The following NBPF26 variants were observed in gnomAD, a reference collection of about 807,000 sequenced individuals.
NBPF26 encodes NBPF family member NBPF26.
NBPF26 carries 79 observed loss-of-function variants against 119.6 expected under a neutral mutation model. That is an observed-to-expected ratio of 0.66 (90% CI 0.55 to 0.80). NBPF26 has a LOEUF of 0.80. Among genes scored for constraint, NBPF26 ranks in the 30% least tolerant of loss-of-function variants. NBPF26 has a pLI of 0.00. For missense variants in NBPF26, 800 were observed against 1,198.2 expected, an observed-to-expected ratio of 0.67 and a Z score of 4.91; for synonymous variants, 299 against 457.7, an observed-to-expected ratio of 0.65 and a Z score of 4.43.
In NBPF26 at chr1:120,823,752, C is replaced by CTGTGTGTGCGTG. The variant is rs1553272348; in HGVS notation, c.2640-214_2640-213insCGTGTGTGTGTG. Reference sequence around the variant, plus strand: ...ACCTGACCAATTCACTGAGCTCGCTCTGTGTGTGTGTGTGTGTGTGTGTGT... The same window carrying CTGTGTGTGCGTG: ...ACCTGACCAATTCACTGAGCTCGCTCTGTGTGTGCGTGTGTGTGTGTGTGTGTGTGTGTGTGT... On this transcript the variant is annotated intron_variant, in intron 17 of 29. Transcript: ENST00000620612. 2.2e-4 allele frequency among the ~76,000 whole-genome samples: 16 copies of CTGTGTGTGCGTG among 73,336 alleles called. 4 individuals carry two copies. The highest frequency in any genetic ancestry group is 1.8e-3 in the African/African-American group (16 of 8,818). 48.1% of individuals were successfully genotyped at this position (73,336 alleles called of 152,430 possible).
At chr1:120,767,682 G>A (rs1651209077) in intron 2 of NBPF26, among the ~76,000 whole-genome samples, 1 of 108,392 alleles carries the variant, frequency 9.2e-6, no homozygotes, top group Non-Finnish European at 1.7e-5. Context: ...TTGTCCTACT[G>A]GGAGGTGTAA....
rs1652060983 is a variant in NBPF26 at position 120,818,575 on chromosome 1, AG to A, written c.2423+404del. ...CTCTCGTTATTTTAATTGTGATGTT[AG>A]GGTGTCAATTTTAGGTCTTTTCTGC... is the stretch of plus-strand genomic sequence containing the variant. On this transcript the variant is annotated intron_variant, in intron 15 of 29. Coordinates refer to ENST00000620612, the Ensembl canonical transcript of NBPF26. Among the ~76,000 whole-genome samples the A allele has an allele frequency of 2.4e-5, 3 of 126,248 alleles. 1 individual carries two copies. The highest frequency in any genetic ancestry group is 3.7e-5 in the African/African-American group (1 of 26,908). 82.8% of individuals were successfully genotyped at this position (126,248 alleles called of 152,430 possible).
intron 29 of NBPF26, 144 bp from the exon 36 acceptor site, chr1:120,840,206 G>A (rs1301266994): frequency 3.4e-6 from 4 of 1,183,290 alleles, no homozygotes; most frequent in Non-Finnish European, 4.5e-6. Flanking sequence ...CCAACATAAA[G>A]GCAATAAATT....
chr1:120,814,755 A>T lies in NBPF26; in HGVS notation c.1878-74A>T, dbSNP rs1651968736. On this transcript the variant is annotated intron_variant, in intron 11 of 29. Coordinates refer to ENST00000620612, the Ensembl canonical transcript of NBPF26. ...GTCTCCTTGAGGACATTGTCTCAGAAATCTCTGTTGCAATATTTGAGCGGA... is the reference window on the plus strand; with the variant it reads ...GTCTCCTTGAGGACATTGTCTCAGATATCTCTGTTGCAATATTTGAGCGGA... 4.1e-6 allele frequency: 4 copies of T among 973,742 alleles called. 1 individual carries two copies. Among genetic ancestry groups the T allele is most frequent in the African/African-American group, 4.9e-5 (2 of 41,162 alleles). The allele number at this position is 973,742 out of a possible 1,614,324, so 60.3% of individuals were successfully genotyped here.
At chr1:120,840,629 A>T (rs1652498026), downstream of NBPF26, 1 of 1,453,966 alleles carries the variant, frequency 6.9e-7, no homozygotes, top group Non-Finnish European at 9.2e-7. Flanking sequence ...TCATTCCTGC[A>T]GGCAGGACCT....
rs201700290 is a variant in NBPF26 at position 120,840,449 on chromosome 1, C to G, written c.4203C>G (p.Asp1401Glu). 338 of 1,476,108 alleles carry G rather than the reference C, an allele frequency of 2.3e-4. 75 individuals carry two copies. The highest frequency in any genetic ancestry group is 1.9e-3 in the South Asian group (165 of 84,928). The allele number at this position is 1,476,108 out of a possible 1,614,324, so 91.4% of individuals were successfully genotyped here. ...CGTCAATGTACTTTGAACTACCTGACTCATTCCAGCACTACAGAAGTGTGT... is the reference window on the plus strand; with the variant it reads ...CGTCAATGTACTTTGAACTACCTGAGTCATTCCAGCACTACAGAAGTGTGT... The change falls in exon 30 of 30, where the codon GAC (aspartate) becomes GAG (glutamate). Residue 1401 changes from aspartate to glutamate, a missense_variant. By Grantham distance (45) the Asp-to-Glu change is conservative. Around this residue, in one of 13 missense-constraint regions of NBPF26, gnomAD observed 155 missense variants for 95.9 expected, o/e 1.62. Transcript: ENST00000620612.
chr1:120,750,486 T>A (rs1651010930), intron 1 of NBPF26, among the ~76,000 whole-genome samples: 1 of 107,138 alleles, frequency 9.3e-6, no homozygotes, highest in Non-Finnish European at 1.7e-5. Context: ...TAATCCTAAA[T>A]ATATTCTGTG....
intron 14 of NBPF26, 49 bp downstream of exon 14, chr1:120,816,876 G>T (rs1553271831): frequency 1.4e-6 from 2 of 1,451,354 alleles, no homozygotes; most frequent in Admixed American, 1.9e-5. Context: ...GGCTGAGGAA[G>T]ATAAACTCTG....
chr1:120,832,656 C>T (rs1301753316), intron 22 of NBPF26, among the ~76,000 whole-genome samples: 3,807 of 107,542 alleles, frequency 0.035, 1 homozygote, highest in East Asian at 0.23. Context: ...ATTGGGATAA[C>T]GATCTACTAG....
intron 10 of NBPF26, among the ~76,000 whole-genome samples, chr1:120,813,493 C>T (rs1400654816): frequency 7.9e-6 from 1 of 127,142 alleles, no homozygotes; most frequent in Non-Finnish European, 1.6e-5. Flanking sequence ...AACCATCAGT[C>T]CCATAGTCCT....
Position 120,811,002 on chromosome 1 carries a change from A to C in NBPF26, c.1564+444A>C, listed in dbSNP as rs1159344962. ...ACACCTGTAATCCGAGCACTTTGGG[A>C]GGCCGAGGCGGGTGGATCATGAGGT... is the stretch of plus-strand genomic sequence containing the variant. On this transcript the variant is annotated intron_variant, in intron 9 of 29. Transcript: ENST00000620612. Among the ~76,000 whole-genome samples the C allele has an allele frequency of 1.9e-5, 2 of 104,440 alleles. 1 individual carries two copies. The highest frequency in any genetic ancestry group is 3.6e-5 in the Non-Finnish European group (2 of 54,920). The allele number at this position is 104,440 out of a possible 152,430, so 68.5% of individuals were successfully genotyped here.
chr1:120,811,219 G>A lies in NBPF26; in HGVS notation c.1564+661G>A, dbSNP rs1177425999. 2.8e-5 allele frequency among the ~76,000 whole-genome samples: 3 copies of A among 105,386 alleles called. 1 individual carries two copies. The highest frequency in any genetic ancestry group is 1.2e-4 in the African/African-American group (2 of 17,150). The allele number at this position is 105,386 out of a possible 152,430, so 69.1% of individuals were successfully genotyped here. A position where few individuals can be genotyped will look rare whatever the true frequency, so the allele number is the denominator to read the frequency against. ...GCCAAGATTGTGCCACTGCACTCCA[G>A]CCTGGGAGACAGAGCGAGACTCCAT... On this transcript the variant is annotated intron_variant, in intron 9 of 29. Coordinates refer to ENST00000620612, the Ensembl canonical transcript of NBPF26.
rs1413236079 is a variant in NBPF26, at chr1:120,735,345, G to A, written c.73+11095G>A. On this transcript the variant is annotated intron_variant, in intron 1 of 29. Coordinates refer to ENST00000620612, the Ensembl canonical transcript of NBPF26. ...CTCCCAAAGTGCTGGGATTACAGGC[G>A]TGAGCCACCGTGCCTGGTCCTTGCA... Among the ~76,000 whole-genome samples the A allele has an allele frequency of 3.9e-4, 33 of 83,576 alleles. 3 individuals carry two copies. The highest frequency in any genetic ancestry group is 1.4e-3 in the East Asian group (5 of 3,614). 54.8% of individuals were successfully genotyped at this position (83,576 alleles called of 152,430 possible).
At chr1:120,832,364 T>C (rs1157864175) in intron 22 of NBPF26, among the ~76,000 whole-genome samples, 4 of 100,756 alleles carry the variant, frequency 4.0e-5, no homozygotes, top group South Asian at 3.4e-4. Flanking sequence ...CTCTTCCTAG[T>C]CTCAGGCCAT....
rs1375682407 is a variant in NBPF26, at chr1:120,792,541, G to A, written c.416-620G>A. 9.9e-5 allele frequency among the ~76,000 whole-genome samples: 11 copies of A among 111,556 alleles called. 3 individuals are homozygous for A. The highest frequency in any genetic ancestry group is 3.1e-4 in the African/African-American group (6 of 19,498). The allele number at this position is 111,556 out of a possible 152,430, so 73.2% of individuals were successfully genotyped here. A position where few individuals can be genotyped will look rare whatever the true frequency, so the allele number is the denominator to read the frequency against. On this transcript the variant is annotated intron_variant, in intron 3 of 29. Coordinates refer to ENST00000620612, the Ensembl canonical transcript of NBPF26. ...TTTTGAAATAGAGTCTTGCTGTGTC[G>A]CCCAGGCTGGAGTGCAGTGGTACAA...
At chr1:120,790,120 ATTC>A (rs1651467928) in intron 3 of NBPF26, among the ~76,000 whole-genome samples, 1 of 91,438 alleles carries the variant, frequency 1.1e-5, no homozygotes, top group South Asian at 3.2e-4. Context: ...GGTTCACGCC[ATTC>A]TTCTGCCTCA....
chr1:120,811,799 C>T, intron 9 of NBPF26, 87 bp from the exon 10 acceptor site: 2 of 684,468 alleles, frequency 2.9e-6, no homozygotes, highest in South Asian at 1.5e-5. Flanking sequence ...GTAAACAAGG[C>T]TACCAGTGAC....
intron 2 of NBPF26, among the ~76,000 whole-genome samples, chr1:120,784,750 A>C (rs1486152756): frequency 0.047 from 5,544 of 117,908 alleles, 1,345 homozygotes; most frequent in Non-Finnish European, 0.063. Flanking sequence ...GTAAACTCCA[A>C]GAGTGTAAGA....
rs1382289386 is a variant in NBPF26, at chr1:120,818,747, A to T, written c.2423+573A>T. On this transcript the variant is annotated intron_variant, in intron 15 of 29. Coordinates refer to ENST00000620612, the Ensembl canonical transcript of NBPF26. ...GCCTTCATTTTGTTATTTTCCCAGT[A>T]GTCATTCAGGAGCAGGTTGTTCAGT... 2.5e-5 allele frequency among the ~76,000 whole-genome samples: 3 copies of T among 120,660 alleles called. 1 individual carries two copies. Among genetic ancestry groups the T allele is most frequent in the Non-Finnish European group, 5.0e-5 (3 of 59,938 alleles). 79.2% of individuals were successfully genotyped at this position (120,660 alleles called of 152,430 possible).
Sources: allele counts gnomAD v4.1 joint callset (sites outside exome capture counted in the v4.1 genomes callset), GRCh38; gene constraint gnomAD v4.1.1; regional missense constraint gnomAD v4.1.1; transcripts MANE v1.5; gene names NCBI Gene and HGNC (gene_info 2026-07-23, HGNC 2026-07-21).